Variants in TMEM132D observed in about 807,000 individuals in gnomAD.
The protein encoded by TMEM132D is mature OL transmembrane protein.
A neutral mutation model predicts 62.3 loss-of-function variants in TMEM132D; 21 were observed. The observed-to-expected ratio is 0.34, with a 90% CI of 0.24 to 0.49. The LOEUF is 0.49. Among genes scored for constraint, TMEM132D ranks in the 20% least tolerant of loss-of-function variants. The probability of loss-of-function intolerance (pLI) is 0.99; values close to 1 mark genes in which losing one functional copy is unlikely to be tolerated. For synonymous variants in TMEM132D, 621 were observed against 575.6 expected, an observed-to-expected ratio of 1.08 and a Z score of -1.13; for missense variants, 1,346 against 1,402.8, an observed-to-expected ratio of 0.96 and a Z score of 0.65.
At chr12:129,614,335 C>T (rs1204691587) in intron 2 of TMEM132D, among the ~76,000 whole-genome samples, 1 of 152,206 alleles carries the variant, frequency 6.6e-6, no homozygotes, top group African/African-American at 2.4e-5. Context: ...GTTCCCATAG[C>T]TCAGTGAGCT....
At chr12:129,647,893 C>T (rs57305508) in intron 2 of TMEM132D, among the ~76,000 whole-genome samples, 37,354 of 151,930 alleles carry the variant, frequency 0.25, 5,028 homozygotes, top group African/African-American at 0.35. Context: ...CTGCCCTAAC[C>T]GATTTGCCTT....
intron 5 of TMEM132D, among the ~76,000 whole-genome samples, chr12:129,193,824 A>G (rs181757043): frequency 5.3e-5 from 8 of 152,360 alleles, no homozygotes; most frequent in Non-Finnish European, 1.2e-4. Flanking sequence ...CAACGCTATC[A>G]GATGTGCCCA....
At chr12:129,241,507 A>C (rs529670292) in intron 4 of TMEM132D, among the ~76,000 whole-genome samples, 1 of 151,984 alleles carries the variant, frequency 6.6e-6, no homozygotes, top group Admixed American at 6.5e-5. Context: ...TGTGTATGCT[A>C]TTTCCTCAGC....
chr12:129,211,820 G>A (rs763611024), intron 4 of TMEM132D: 8 of 151,992 alleles, frequency 5.3e-5, no homozygotes, highest in Admixed American at 1.3e-4. Context: ...ACTTTAATTC[G>A]AATAAAAACA....
intron 3 of TMEM132D, among the ~76,000 whole-genome samples, chr12:129,340,633 G>A (rs1270829493): frequency 1.3e-5 from 2 of 152,158 alleles, no homozygotes; most frequent in East Asian, 3.9e-4. Context: ...CAAAGGACAT[G>A]AACTCATCAT....
intron 3 of TMEM132D, among the ~76,000 whole-genome samples, chr12:129,429,127 CCAAAATCCTTCAAGTTACTCACTGTA>C (rs1872578807): frequency 1.0e-5 from 1 of 96,354 alleles, no homozygotes; most frequent in African/African-American, 2.8e-5. Context: ...TCACTGTAGT[CCAAAATCCTTCAAGTTACTCACTGTA>C]GTCCAAAGTC....
At chr12:129,513,804 TTTTATTTATTTATTTATTTA>T (rs201593908) in intron 3 of TMEM132D, among the ~76,000 whole-genome samples, 4 of 133,992 alleles carry the variant, frequency 3.0e-5, no homozygotes, top group Non-Finnish European at 4.8e-5. Context: ...CAATTTTTAT[TTTTATTTATTTATTTATTTA>T]TTTATTTATT....
chr12:129,462,540 CATT>C lies in TMEM132D; in HGVS notation c.1115+68516_1115+68518del, dbSNP rs1424073027. Reference sequence around the variant, plus strand: ...GATTTTACCACTGCTCCTACAAGGACATTATTATCAAAGCTATGTAGTTAACAA... The same window carrying C: ...GATTTTACCACTGCTCCTACAAGGACATTATCAAAGCTATGTAGTTAACAA... On this transcript the variant is annotated intron_variant, in intron 3 of 8. Coordinates refer to ENST00000422113, the MANE Select transcript of TMEM132D (RefSeq NM_133448.3). Among the ~76,000 whole-genome samples the C allele has an allele frequency of 2.6e-5, 4 of 152,184 alleles. No homozygotes were observed. In the East Asian group the frequency reaches 7.7e-4, roughly 29 times the overall value.
intron 2 of TMEM132D, among the ~76,000 whole-genome samples, chr12:129,556,412 T>C (rs1474629449): frequency 6.6e-6 from 1 of 151,692 alleles, no homozygotes; most frequent in Non-Finnish European, 1.5e-5. Context: ...TCCTAGCATG[T>C]CTCTCGCCAG....
chr12:129,345,916 C>T (rs906862565), intron 3 of TMEM132D, among the ~76,000 whole-genome samples: 1 of 152,100 alleles, frequency 6.6e-6, no homozygotes. Context: ...TATTGCGTCT[C>T]TGCCAGGTTT....
Position 129,731,041 on chromosome 12 carries a change from G to A in TMEM132D, c.80-30343C>T, listed in dbSNP as rs145156133. ...GCTTTATATATACATCTATCCTATT[G>A]GTTCTGTCCCTCTAGAGAACCCTGA... On this transcript the variant is annotated intron_variant, in intron 1 of 8. Coordinates refer to ENST00000422113, the MANE Select transcript of TMEM132D (RefSeq NM_133448.3). Among the ~76,000 whole-genome samples the A allele has an allele frequency of 5.3e-3, 807 of 152,096 alleles. 4 individuals are homozygous for A. The highest frequency in any genetic ancestry group is 0.019 in the African/African-American group (777 of 41,462).
At chr12:129,273,249 T>C (rs1413240046) in intron 4 of TMEM132D, among the ~76,000 whole-genome samples, 1 of 151,628 alleles carries the variant, frequency 6.6e-6, no homozygotes, top group Non-Finnish European at 1.5e-5. Flanking sequence ...TAATAGACGC[T>C]GGTGAAGCTG....
At chr12:129,293,835 C>T (rs1334942371) in intron 4 of TMEM132D, among the ~76,000 whole-genome samples, 1 of 152,138 alleles carries the variant, frequency 6.6e-6, no homozygotes, top group African/African-American at 2.4e-5. Context: ...GCTCGCTTGC[C>T]CATCACTTGC....
At chr12:129,269,363 C>T (rs1880789586) in intron 4 of TMEM132D, among the ~76,000 whole-genome samples, 1 of 151,980 alleles carries the variant, frequency 6.6e-6, no homozygotes, top group African/African-American at 2.4e-5. Context: ...TTTCCTCCCT[C>T]CCTTCCTCCC....
At chr12:129,509,905 A>G (rs560656305) in intron 3 of TMEM132D, among the ~76,000 whole-genome samples, 37 of 152,300 alleles carry the variant, frequency 2.4e-4, no homozygotes, top group African/African-American at 8.7e-4. Context: ...AATCCTGGCT[A>G]TCGTGAACAG....
chr12:129,466,339 A>C (rs1297415249), intron 3 of TMEM132D, among the ~76,000 whole-genome samples: 3 of 109,384 alleles, frequency 2.7e-5, no homozygotes, highest in Admixed American at 1.3e-4. Flanking sequence ...ATGTGGTCTC[A>C]CTCTGTCACA....
chr12:129,591,670 T>A (rs1489476416), intron 2 of TMEM132D, among the ~76,000 whole-genome samples: 1 of 151,526 alleles, frequency 6.6e-6, no homozygotes, highest in Non-Finnish European at 1.5e-5. Context: ...ATAATAATAA[T>A]AAAGAAAGAA....
intron 1 of TMEM132D, among the ~76,000 whole-genome samples, chr12:129,778,807 TGGGA>T (rs1470704210): frequency 6.6e-6 from 1 of 152,126 alleles, no homozygotes; most frequent in Non-Finnish European, 1.5e-5. Flanking sequence ...CTTTCTGTCT[TGGGA>T]GGGAGGTATT....
At chr12:129,450,838 C>T (rs990922879) in intron 3 of TMEM132D, among the ~76,000 whole-genome samples, 2 of 144,272 alleles carry the variant, frequency 1.4e-5, no homozygotes, top group Non-Finnish European at 3.0e-5. Flanking sequence ...CTCACTGCAA[C>T]TTCTGCCTCT....
Sources: gnomAD v4.1 joint callset for allele counts (sites outside exome capture counted in the v4.1 genomes callset) on GRCh38, gnomAD v4.1.1 for gene constraint, MANE v1.5 for transcripts, NCBI Gene and HGNC (gene_info 2026-07-23, HGNC 2026-07-21) for gene names.